The following ARHGAP15 variants were observed in gnomAD, a reference collection of about 807,000 sequenced individuals.
ARHGAP15 encodes Rho GTPase activating protein 15.
In ARHGAP15, 51 loss-of-function variants were observed where a neutral mutation model predicts 63.7. The ratio of observed to expected loss-of-function variants is 0.80; its 90% CI spans 0.64 to 1.01. ARHGAP15 has a LOEUF of 1.01. Among genes scored for constraint, ARHGAP15 ranks in the 50% least tolerant of loss-of-function variants. The pLI is 0.00. For missense variants in ARHGAP15, 560 were observed against 564.6 expected, an observed-to-expected ratio of 0.99 and a Z score of 0.08; for synonymous variants, 191 against 193.8, an observed-to-expected ratio of 0.99 and a Z score of 0.12.
chr2:143,526,020 G>A (rs1346807976), intron 10 of ARHGAP15, among the ~76,000 whole-genome samples: 1 of 152,128 alleles, frequency 6.6e-6, no homozygotes, highest in African/African-American at 2.4e-5. Flanking sequence ...TGCTGTTCCA[G>A]AGAAACTTAC....
chr2:143,667,980 C>T (rs1367612356), intron 12 of ARHGAP15, among the ~76,000 whole-genome samples: 2 of 151,504 alleles, frequency 1.3e-5, no homozygotes, highest in Non-Finnish European at 2.9e-5. Flanking sequence ...AGAGCAAGAC[C>T]CTGTCTCAAA....
At chr2:143,384,313 A>G (rs899820965) in intron 6 of ARHGAP15, among the ~76,000 whole-genome samples, 17 of 152,136 alleles carry the variant, frequency 1.1e-4, no homozygotes, top group Admixed American at 9.2e-4. Flanking sequence ...ATTGGTCCAC[A>G]AGAACTTTAA....
intron 5 of ARHGAP15, chr2:143,236,631 A>T (rs1314575182): frequency 6.6e-6 from 1 of 152,158 alleles, no homozygotes; most frequent in Non-Finnish European, 1.5e-5. Flanking sequence ...TTCCATTTGG[A>T]CAGGATTTGA....
chr2:143,617,745 C>G (rs940515634), intron 11 of ARHGAP15, among the ~76,000 whole-genome samples: 13 of 152,134 alleles, frequency 8.5e-5, no homozygotes, highest in African/African-American at 3.1e-4. Flanking sequence ...TGAGTTTGTC[C>G]TGGCTTGCCC....
At chr2:143,261,006 G>T (rs1680687413) in intron 6 of ARHGAP15, among the ~76,000 whole-genome samples, 1 of 152,056 alleles carries the variant, frequency 6.6e-6, no homozygotes, top group African/African-American at 2.4e-5. Context: ...AATAGACTTG[G>T]ATACAACCCT....
chr2:143,255,079 TTTCCTGAGC>T (rs1680352752), intron 6 of ARHGAP15, among the ~76,000 whole-genome samples: 2 of 152,104 alleles, frequency 1.3e-5, no homozygotes, highest in Admixed American at 6.6e-5. Context: ...TGGCCTCAGT[TTTCCTGAGC>T]TTCCTTTAAA....
chr2:143,478,292 A>G (rs1357433427), intron 8 of ARHGAP15, among the ~76,000 whole-genome samples: 3 of 152,204 alleles, frequency 2.0e-5, no homozygotes. Flanking sequence ...TGATTCACTC[A>G]TCTTACCTAA....
In ARHGAP15 at chr2:143,440,384, A is replaced by G. The variant is rs561748033; in HGVS notation, c.703+3342A>G. On this transcript the variant is annotated intron_variant, in intron 8 of 13. Coordinates refer to ENST00000295095, the MANE Select transcript of ARHGAP15 (RefSeq NM_018460.4). ...ATTAAATAATTATATAGAATCAGAG[A>G]CTCAACAGTATCCTCTTCCTTATTA... Among the ~76,000 whole-genome samples, 309 of 152,252 alleles carry G rather than the reference A, an allele frequency of 2.0e-3. 2 individuals carry two copies. The highest frequency in any genetic ancestry group is 7.3e-3 in the African/African-American group (303 of 41,558).
At position 143,639,760 on chromosome 2, in the gene ARHGAP15, T is replaced by C. The variant is rs146017780; in HGVS notation, c.1138+15493T>C. ...TCATGTCATGTGCCAGAAAAGTATT[T>C]TCATGGAGTCTATAAATTCATTATT... On this transcript the variant is annotated intron_variant, in intron 12 of 13. Coordinates refer to ENST00000295095, the MANE Select transcript of ARHGAP15 (RefSeq NM_018460.4). 1.9e-3 allele frequency among the ~76,000 whole-genome samples: 293 copies of C among 152,216 alleles called. 1 individual carries two copies. The highest frequency in any genetic ancestry group is 3.4e-3 in the Non-Finnish European group (234 of 67,980).
intron 8 of ARHGAP15, among the ~76,000 whole-genome samples, chr2:143,454,579 C>G (rs1690559570): frequency 6.6e-6 from 1 of 152,046 alleles, no homozygotes; most frequent in South Asian, 2.1e-4. Flanking sequence ...TGAGGCAACT[C>G]AGGCTCAACC....
chr2:143,301,155 C>A (rs1156672122), intron 6 of ARHGAP15, among the ~76,000 whole-genome samples: 1 of 151,562 alleles, frequency 6.6e-6, no homozygotes, highest in Non-Finnish European at 1.5e-5. Context: ...TATCTAATAC[C>A]CAAACACCAA....
In ARHGAP15 at chr2:143,652,145, C is replaced by G. The variant is rs370457151; in HGVS notation, c.1138+27878C>G. ...ATATAAGTTTGAGAGTCAGATAGTT[C>G]TCTACTTTTTTCTTATTCAAACTTG... On this transcript the variant is annotated intron_variant, in intron 12 of 13. Transcript: ENST00000295095. Among the ~76,000 whole-genome samples, 253 of 151,984 alleles carry G rather than the reference C, an allele frequency of 1.7e-3. 2 individuals carry two copies. Among genetic ancestry groups the G allele is most frequent in the African/African-American group, 5.9e-3 (243 of 41,504 alleles).
At chr2:143,157,857 G>A (rs894701087) in intron 2 of ARHGAP15, among the ~76,000 whole-genome samples, 1 of 151,878 alleles carries the variant, frequency 6.6e-6, no homozygotes, top group Admixed American at 6.6e-5. Context: ...GGGTGGTGGG[G>A]TGAGGTCAAG....
At chr2:143,409,687 A>C (rs890344690) in intron 6 of ARHGAP15, among the ~76,000 whole-genome samples, 6 of 152,104 alleles carry the variant, frequency 3.9e-5, no homozygotes, top group Non-Finnish European at 7.4e-5. Context: ...TACCATTTCT[A>C]TGCTTAAATA....
At chr2:143,682,877 C>T (rs1683168496) in intron 12 of ARHGAP15, 1 of 152,190 alleles carries the variant, frequency 6.6e-6, no homozygotes, top group Non-Finnish European at 1.5e-5. Context: ...TCTTACGAAT[C>T]CACAATCTGC....
At chr2:143,621,625 T>G (rs184935641) in intron 11 of ARHGAP15, among the ~76,000 whole-genome samples, 50 of 152,346 alleles carry the variant, frequency 3.3e-4, no homozygotes, top group African/African-American at 1.1e-3. Flanking sequence ...TACAAATTAT[T>G]ATTATTTCTT....
At chr2:143,519,989 GT>G (rs1693992479) in intron 10 of ARHGAP15, among the ~76,000 whole-genome samples, 2 of 152,138 alleles carry the variant, frequency 1.3e-5, no homozygotes, top group Admixed American at 1.3e-4. Context: ...TCTGTGGGGT[GT>G]TTTTCCTTCA....
intron 13 of ARHGAP15, among the ~76,000 whole-genome samples, chr2:143,754,011 T>C (rs894400808): frequency 2.0e-5 from 3 of 152,166 alleles, no homozygotes; most frequent in Admixed American, 1.3e-4. Context: ...CAGGGTGAAA[T>C]TTAGGTGTGC....
chr2:143,487,848 G>C (rs559384805), intron 9 of ARHGAP15, among the ~76,000 whole-genome samples: 20 of 152,260 alleles, frequency 1.3e-4, no homozygotes, highest in South Asian at 6.2e-4. Flanking sequence ...GTATGAACCA[G>C]CACACTTACC....
Sources: allele counts gnomAD v4.1 joint callset (sites outside exome capture counted in the v4.1 genomes callset), GRCh38; gene constraint gnomAD v4.1.1; transcripts MANE v1.5; gene names NCBI Gene and HGNC (gene_info 2026-07-23, HGNC 2026-07-21).